Variants in CFAP47 observed in about 807,000 individuals in gnomAD.
CFAP47 encodes cilia and flagella associated protein 47.
A neutral mutation model predicts 148.1 loss-of-function variants in CFAP47; 29 were observed. The ratio of observed to expected loss-of-function variants is 0.20; its 90% CI spans 0.15 to 0.27. CFAP47 has a LOEUF of 0.27. Among genes scored for constraint, CFAP47 ranks in the 10% least tolerant of loss-of-function variants. The pLI, the probability that CFAP47 is intolerant of heterozygous loss-of-function variation, is 1.00. For missense variants in CFAP47, 1,872 were observed against 1,697.5 expected, an observed-to-expected ratio of 1.10 and a Z score of -1.81; for synonymous variants, 664 against 577.3, an observed-to-expected ratio of 1.15 and a Z score of -2.15.
At chrX:36,032,037 T>C (rs1020145322) in intron 23 of CFAP47, among the ~76,000 whole-genome samples, 2 of 111,345 alleles carry the variant, frequency 1.8e-5, no homozygotes, top group Non-Finnish European at 3.8e-5. Flanking sequence ...ATAAAGGATC[T>C]ACTGAAATTA....
At chrX:36,099,503 A>G (rs1938336308) in intron 31 of CFAP47, among the ~76,000 whole-genome samples, 1 of 106,346 alleles carries the variant, frequency 9.4e-6, no homozygotes, top group African/African-American at 3.4e-5. Context: ...AGAACTTCGT[A>G]TCGTGTTCGG....
At chrX:36,243,887 A>G (rs1940581410) in intron 48 of CFAP47, among the ~76,000 whole-genome samples, 2 of 108,950 alleles carry the variant, frequency 1.8e-5, no homozygotes, top group South Asian at 8.0e-4. Flanking sequence ...TGGACCTAAT[A>G]GAAAGCTATA....
At chrX:36,159,043 T>C (rs995359506) in intron 37 of CFAP47, among the ~76,000 whole-genome samples, 1 of 112,200 alleles carries the variant, frequency 8.9e-6, no homozygotes, top group Admixed American at 9.5e-5. Context: ...AATGATTTTA[T>C]GCATTTTTTG....
At chrX:36,288,717 A>G (rs1941159306) in intron 51 of CFAP47, among the ~76,000 whole-genome samples, 1 of 111,471 alleles carries the variant, frequency 9.0e-6, no homozygotes, top group African/African-American at 3.3e-5. Context: ...TTGGTGTCAA[A>G]CATAAAAGCA....
At chrX:36,316,212 T>A (rs1442424829) in intron 56 of CFAP47, among the ~76,000 whole-genome samples, 6 of 111,833 alleles carry the variant, frequency 5.4e-5, no homozygotes, top group African/African-American at 2.0e-4. Flanking sequence ...AGGAAAGACT[T>A]GCAATCTGTT....
chrX:36,263,975 G>A (rs1392147320), intron 49 of CFAP47, among the ~76,000 whole-genome samples: 1 of 111,533 alleles, frequency 9.0e-6, no homozygotes, highest in African/African-American at 3.3e-5. Context: ...CAGTTAGCAC[G>A]TGATGAATGC....
intron 14 of CFAP47, 142 bp from the exon 15 acceptor site, chrX:35,975,530 C>A: frequency 1.5e-6 from 1 of 689,382 alleles, no homozygotes; most frequent in Non-Finnish European, 2.1e-6. Context: ...TAGTAGCAAT[C>A]TAATTATCTT....
intron 55 of CFAP47, 23 bp downstream of exon 55, chrX:36,306,899 C>T (rs1195716331): frequency 1.3e-5 from 10 of 789,262 alleles, no homozygotes; most frequent in Non-Finnish European, 1.8e-5. Context: ...ATTCTTGGAC[C>T]AAACCAAGTT....
intron 51 of CFAP47, among the ~76,000 whole-genome samples, chrX:36,291,843 TAC>T (rs1556005606): frequency 1.8e-5 from 2 of 111,358 alleles, no homozygotes; most frequent in African/African-American, 6.5e-5. Flanking sequence ...TATGTATACT[TAC>T]ATATATATAC....
rs1222331884 is a variant in CFAP47, at chrX:36,086,581, A to G, written c.4916+1043A>G. 2.7e-5 allele frequency among the ~76,000 whole-genome samples: 3 copies of G among 112,033 alleles called. No individual in the cohort carries two copies. The Admixed American group carries it at 2.9e-4, about 11-fold the overall frequency. ...AGCAGGAATACAAATTAAAGATTTG[A>G]CATTCAATTTTTTATTTCCAAATCA... On this transcript the variant is annotated intron_variant, in intron 30 of 63. Transcript: ENST00000378653.
intron 2 of CFAP47, among the ~76,000 whole-genome samples, chrX:35,926,957 C>T (rs1320111007): frequency 9.3e-6 from 1 of 107,874 alleles, no homozygotes; most frequent in East Asian, 2.9e-4. Context: ...CCAGCCTGGG[C>T]AACATGGTGA....
intron 45 of CFAP47, among the ~76,000 whole-genome samples, chrX:36,224,601 T>C (rs1219625539): frequency 8.9e-6 from 1 of 111,923 alleles, no homozygotes; most frequent in Non-Finnish European, 1.9e-5. Flanking sequence ...TCTTTTTTGC[T>C]GCTGGTAATT....
At chrX:35,948,006 T>C (rs1240910890) in intron 3 of CFAP47, among the ~76,000 whole-genome samples, 1 of 111,772 alleles carries the variant, frequency 8.9e-6, no homozygotes, top group Non-Finnish European at 1.9e-5. Flanking sequence ...GCTCCAGGGG[T>C]ATTCAATCTT....
intron 33 of CFAP47, among the ~76,000 whole-genome samples, chrX:36,106,522 G>C (rs771810559): frequency 8.9e-6 from 1 of 111,973 alleles, no homozygotes; most frequent in African/African-American, 3.2e-5. Context: ...GCTGCTGTCT[G>C]TTTCCAAGAT....
intron 21 of CFAP47, among the ~76,000 whole-genome samples, chrX:36,010,846 A>G (rs950068112): frequency 4.5e-5 from 5 of 111,134 alleles, no homozygotes; most frequent in Non-Finnish European, 9.4e-5. Context: ...GTTCTTTTCT[A>G]TGGTTTCCTT....
chrX:35,943,157 C>T (rs1250275987), intron 3 of CFAP47, among the ~76,000 whole-genome samples: 4 of 111,423 alleles, frequency 3.6e-5, no homozygotes, highest in African/African-American at 6.5e-5. Flanking sequence ...AAAATATATA[C>T]GTGTTCATGA....
intron 54 of CFAP47, among the ~76,000 whole-genome samples, chrX:36,304,771 T>C (rs1602100605): frequency 9.0e-6 from 1 of 111,517 alleles, no homozygotes; most frequent in East Asian, 2.8e-4. Flanking sequence ...TTTCTCATTC[T>C]TAGATCCTGG....
chrX:36,272,284 T>G (rs1556001988), intron 49 of CFAP47, among the ~76,000 whole-genome samples: 2 of 112,176 alleles, frequency 1.8e-5, no homozygotes, highest in South Asian at 7.3e-4. Flanking sequence ...AGTGCGCCAG[T>G]TAAAGCAAAA....
intron 6 of CFAP47, 39 bp downstream of exon 6, chrX:35,952,002 A>G: frequency 4.5e-6 from 5 of 1,119,635 alleles, no homozygotes; most frequent in Non-Finnish European, 5.9e-6. Flanking sequence ...TTAAATATTA[A>G]TGGAAAGTAT....
Sources: allele counts gnomAD v4.1 joint callset (sites outside exome capture counted in the v4.1 genomes callset), GRCh38; gene constraint gnomAD v4.1.1; transcripts MANE v1.5; gene names NCBI Gene and HGNC (gene_info 2026-07-23, HGNC 2026-07-21).